PTPN13: variants seen among roughly 807,000 people sequenced by gnomAD.
The protein encoded by PTPN13 is tyrosine-protein phosphatase non-receptor type 13.
A neutral mutation model predicts 284.0 loss-of-function variants in PTPN13; 191 were observed. That is an observed-to-expected ratio of 0.67 (90% confidence interval 0.60 to 0.76). PTPN13 has a LOEUF of 0.76. PTPN13 is among the 30% of genes least tolerant of loss of function. The pLI is 0.00. For missense variants in PTPN13, 2,797 were observed against 2,939.9 expected (o/e 0.95, Z 1.12); for synonymous variants, 986 against 1,022.3 (o/e 0.96, Z 0.68).
chr4:86,595,254 G>A lies in PTPN13; in HGVS notation c.-6+465G>A, dbSNP rs1763537428. Among the ~76,000 whole-genome samples the A allele has an allele frequency of 2.0e-5, 3 of 151,970 alleles. No homozygotes were observed. In the South Asian group the frequency reaches 6.2e-4, roughly 32 times the overall value. ...CGCCCAGAAGAATGTGTGTGTAAGG[G>A]CTCGAGAAGGGGGTGGGATGGCGGG... On this transcript the variant is annotated intron_variant, in intron 1 of 47. Coordinates refer to ENST00000411767, the MANE Select transcript of PTPN13 (RefSeq NM_080683.3).
intron 26 of PTPN13, among the ~76,000 whole-genome samples, chr4:86,765,827 G>T (rs563642570): frequency 1.7e-3 from 256 of 151,144 alleles, no homozygotes; most frequent in South Asian, 6.3e-3. Context: ...TGTTTTTTTT[G>T]TTGTTGTTTT....
rs557863464 is a variant in PTPN13, at chr4:86,732,421, G to A, written c.1630G>A (p.Val544Met). ...KLRNFFGPEF[V>M]KMTIEPFISL... ...GCAGAATTTCTTTGGCCCTGAGTTT[G>A]TGAAAATGACAATTGAACCATTTAT... Residue 544 changes from valine (V) to methionine (M), a missense_variant, in exon 11 of 48, where the codon GTG becomes ATG. Transcript: ENST00000411767. 1 of 1,598,562 alleles carries A rather than the reference G, an allele frequency of 6.3e-7. No homozygotes were observed. The highest frequency in any genetic ancestry group is 8.5e-7 in the Non-Finnish European group (1 of 1,171,332).
At chr4:86,636,791 T>C (rs1723070786) in intron 2 of PTPN13, among the ~76,000 whole-genome samples, 1 of 151,866 alleles carries the variant, frequency 6.6e-6, no homozygotes, top group Non-Finnish European at 1.5e-5. Flanking sequence ...AACAAATACA[T>C]TCAAAAGCTA....
At chr4:86,735,460 C>A in intron 14 of PTPN13, 134 bp from the exon 15 acceptor site, 1 of 904,504 alleles carries the variant, frequency 1.1e-6, no homozygotes, top group Non-Finnish European at 1.6e-6. Context: ...TCTTCTAAAA[C>A]TCATTCCTCA....
chr4:86,783,824 C>T (rs1741601219), intron 37 of PTPN13, among the ~76,000 whole-genome samples: 1 of 151,678 alleles, frequency 6.6e-6, no homozygotes, highest in Admixed American at 6.6e-5. Context: ...ATAGGCTATG[C>T]TCCATGAAGT....
intron 20 of PTPN13, among the ~76,000 whole-genome samples, chr4:86,756,789 A>G (rs762805345): frequency 1.4e-4 from 21 of 152,290 alleles, no homozygotes; most frequent in Admixed American, 4.6e-4. Flanking sequence ...TTTTAAGTCC[A>G]TGGGTGGTTA....
At chr4:86,763,274 A>G (rs1476845604) in intron 24 of PTPN13, 84 bp downstream of exon 24, 34 of 1,111,312 alleles carry the variant, frequency 3.1e-5, no homozygotes, top group South Asian at 2.3e-4. Flanking sequence ...AATAATCTAC[A>G]AGATGCTTTC....
intron 15 of PTPN13, among the ~76,000 whole-genome samples, chr4:86,739,749 G>A (rs1735944362): frequency 6.6e-6 from 1 of 152,148 alleles, no homozygotes; most frequent in Non-Finnish European, 1.5e-5. Context: ...CTGAGATAAG[G>A]CAAGTCCCTT....
chr4:86,791,589 A>G (rs968752984), intron 40 of PTPN13, among the ~76,000 whole-genome samples: 49 of 152,194 alleles, frequency 3.2e-4, no homozygotes, highest in Admixed American at 6.5e-5. Flanking sequence ...ACTGGGAGAC[A>G]TCTCCCAGGA....
At chr4:86,814,406 T>A (rs1329832842) in intron 47 of PTPN13, 50 bp from the exon 48 acceptor site, 1 of 1,185,488 alleles carries the variant, frequency 8.4e-7, no homozygotes, top group Non-Finnish European at 1.2e-6. Flanking sequence ...ATATATATAA[T>A]ATTTACATTA....
In PTPN13 at chr4:86,776,829, G is replaced by C. The variant is rs534271903; in HGVS notation, c.5891+1177G>C. ...AATGAAACACAGGATGATTGTATGA[G>C]TATTCAAAGTATGGTTTCTACCAAA... On this transcript the variant is annotated intron_variant, in intron 35 of 47. Transcript: ENST00000411767. 3.3e-5 allele frequency among the ~76,000 whole-genome samples: 5 copies of C among 152,298 alleles called. 1 individual carries two copies. In the South Asian group the frequency reaches 1.0e-3, roughly 32 times the overall value.
chr4:86,659,513 A>G (rs1442776775), intron 2 of PTPN13, among the ~76,000 whole-genome samples: 3 of 152,196 alleles, frequency 2.0e-5, no homozygotes, highest in Admixed American at 1.3e-4. Context: ...TTCTGAAGCC[A>G]CATTTCAAAT....
At chr4:86,779,252 A>G (rs1406996942) in intron 35 of PTPN13, among the ~76,000 whole-genome samples, 1 of 152,038 alleles carries the variant, frequency 6.6e-6, no homozygotes, top group Non-Finnish European at 1.5e-5. Flanking sequence ...CGTCTCTACT[A>G]AAAATACAAA....
intron 1 of PTPN13, among the ~76,000 whole-genome samples, chr4:86,627,811 A>G (rs1345865686): frequency 6.6e-6 from 1 of 152,226 alleles, no homozygotes; most frequent in East Asian, 1.9e-4. Flanking sequence ...GTAATCATAC[A>G]ACATGTACAC....
chr4:86,751,675 C>T (rs1157583312), intron 19 of PTPN13, among the ~76,000 whole-genome samples: 1 of 152,108 alleles, frequency 6.6e-6, no homozygotes, highest in Non-Finnish European at 1.5e-5. Context: ...CTGTCATGTG[C>T]CATTACTTTG....
intron 6 of PTPN13, among the ~76,000 whole-genome samples, chr4:86,694,733 T>G (rs560725063): frequency 3.3e-5 from 5 of 152,188 alleles, no homozygotes; most frequent in Admixed American, 2.6e-4. Flanking sequence ...ATCTTTGTTC[T>G]CTTCTTATCA....
At chr4:86,721,258 C>T (rs1176251606) in intron 9 of PTPN13, among the ~76,000 whole-genome samples, 2 of 152,028 alleles carry the variant, frequency 1.3e-5, no homozygotes, top group East Asian at 3.9e-4. Context: ...TGTGCAGATT[C>T]AAGGTCTTAT....
At chr4:86,676,433 C>A (rs1014353255) in intron 3 of PTPN13, among the ~76,000 whole-genome samples, 50 of 152,094 alleles carry the variant, frequency 3.3e-4, no homozygotes, top group Non-Finnish European at 5.9e-5. Context: ...TGTACAGTCA[C>A]AATGGAAAGC....
At position 86,809,847 on chromosome 4, in the gene PTPN13, C is replaced by A; in HGVS notation, c.7162C>A (p.Leu2388Met). 2 of 1,614,024 alleles carry A rather than the reference C, an allele frequency of 1.2e-6. No homozygotes were observed. The highest frequency in any genetic ancestry group is 1.7e-6 in the Non-Finnish European group (2 of 1,179,880). The stretch of plus-strand genomic sequence containing the variant: ...TGATACACCTTCTCAACCAGATGAT[C>A]TGCTTACTTTTATCTCCTACATGAG... ...DHDTPSQPDD[L>M]LTFISYMRHI... Residue 2388 changes from leucine to methionine, a missense_variant, in exon 46 of 48, where the codon CTG (leucine) becomes ATG (methionine). Coordinates refer to ENST00000411767, the MANE Select transcript of PTPN13 (RefSeq NM_080683.3).
Sources: allele counts gnomAD v4.1 joint callset (sites outside exome capture counted in the v4.1 genomes callset), GRCh38; gene constraint gnomAD v4.1.1; transcripts MANE v1.5; gene names NCBI Gene and HGNC (gene_info 2026-07-23, HGNC 2026-07-21).